Variants in GNAO1 observed in about 807,000 individuals in gnomAD.
GNAO1 encodes G protein subunit alpha o1.
For missense variants in GNAO1, 166 were observed against 478.7 expected (o/e 0.35, Z 6.10); for synonymous variants, 164 against 180.7 (o/e 0.91, Z 0.74).
At chr16:56,334,453 A>G (rs151111278) in intron 4 of GNAO1, among the ~76,000 whole-genome samples, 1 of 152,342 alleles carries the variant, frequency 6.6e-6, no homozygotes, top group East Asian at 1.9e-4. Context: ...TATAATAAAC[A>G]TGGTAGTCTC....
In GNAO1 at chr16:56,192,307, A is replaced by G; in HGVS notation, c.72A>G (p.Lys24=). 6.2e-7 allele frequency: 1 copy of G among 1,611,542 alleles called. No individual in the cohort carries two copies. Among genetic ancestry groups the G allele is most frequent in the Non-Finnish European group, 8.5e-7 (1 of 1,178,616 alleles). The change falls in exon 1 of 9, where the codon AAA becomes AAG. Residue 24 remains lysine (K), a synonymous_variant. Coordinates refer to ENST00000262493, the MANE Select transcript of GNAO1 (RefSeq NM_020988.3). Reference sequence around the variant, plus strand: ...GCAAGGCGATTGAGAAAAACCTCAAAGAGGATGGCATCAGCGCCGCCAAAG... The same window carrying G: ...GCAAGGCGATTGAGAAAAACCTCAAGGAGGATGGCATCAGCGCCGCCAAAG... ...ERSKAIEKNL[K]EDGISAAKDV...
At position 56,276,064 on chromosome 16, in the gene GNAO1, G is replaced by A; in HGVS notation, c.295G>A (p.Glu99Lys). Residue 99 changes from glutamate (E) to lysine (K), a missense_variant, in exon 3 of 9, where the codon GAG (glutamate) becomes AAG (lysine). Physicochemically the swap from Glu to Lys is moderately conservative, Grantham distance 56. Coordinates refer to ENST00000262493, the MANE Select transcript of GNAO1 (RefSeq NM_020988.3). Reference sequence around the variant, plus strand: ...TTTGGGCATCGAATATGGTGATAAGGAGAGAAAGGTAGGCCCCTGAGCCCA... The same window carrying A: ...TTTGGGCATCGAATATGGTGATAAGAAGAGAAAGGTAGGCCCCTGAGCCCA... ...DTLGIEYGDK[E>K]RKADAKMVCD... is the part of the protein sequence containing the mutation. 6.2e-7 allele frequency: 1 copy of A among 1,613,544 alleles called. No individual in the cohort carries two copies. The highest frequency in any genetic ancestry group is 8.5e-7 in the Non-Finnish European group (1 of 1,179,720).
chr16:56,349,612 G>C (rs1303718996), intron 6 of GNAO1, among the ~76,000 whole-genome samples: 5 of 152,238 alleles, frequency 3.3e-5, no homozygotes, highest in Middle Eastern at 3.2e-3. Flanking sequence ...TACTGATTGA[G>C]GATAGGAGAG....
At chr16:56,205,619 C>T (rs571661032) in intron 2 of GNAO1, among the ~76,000 whole-genome samples, 2 of 152,274 alleles carry the variant, frequency 1.3e-5, no homozygotes, top group South Asian at 4.1e-4. Context: ...AGAGTTTCGA[C>T]CACATGGCCC....
chr16:56,297,522 G>GGTGTGTGTGTGTGT (rs10545712), intron 3 of GNAO1, among the ~76,000 whole-genome samples: 18 of 134,406 alleles, frequency 1.3e-4, no homozygotes, highest in East Asian at 1.3e-3. Context: ...TTGTCTAACT[G>GGTGTGTGTGTGTGT]GTGTGTGTGT....
intron 2 of GNAO1, among the ~76,000 whole-genome samples, chr16:56,269,764 C>G (rs1472606945): frequency 6.6e-6 from 1 of 152,154 alleles, no homozygotes; most frequent in African/African-American, 2.4e-5. Context: ...TCCCAACAGC[C>G]TAGGGCCTCT....
At chr16:56,238,004 T>C (rs1159473779) in intron 2 of GNAO1, among the ~76,000 whole-genome samples, 2 of 152,206 alleles carry the variant, frequency 1.3e-5, no homozygotes, top group Non-Finnish European at 2.9e-5. Context: ...GCAGCATTAT[T>C]TCATACATTT....
intron 6 of GNAO1, among the ~76,000 whole-genome samples, chr16:56,340,045 G>T (rs567786941): frequency 1.4e-4 from 21 of 152,300 alleles, no homozygotes; most frequent in African/African-American, 5.1e-4. Context: ...CTGTGAGCCC[G>T]CACCGGGCTC....
intron 2 of GNAO1, among the ~76,000 whole-genome samples, chr16:56,224,614 G>A (rs1390202573): frequency 6.6e-6 from 1 of 152,212 alleles, no homozygotes; most frequent in African/African-American, 2.4e-5. Flanking sequence ...CCAAGTAGCT[G>A]TGACTACAGC....
At chr16:56,344,929 T>C in intron 6 of GNAO1, 1 of 985,178 alleles carries the variant, frequency 1.0e-6, no homozygotes, top group Non-Finnish European at 1.2e-6. Flanking sequence ...CCTCACCGTC[T>C]TGGTGAAGAA....
chr16:56,334,333 G>A (rs2037719943), intron 4 of GNAO1, among the ~76,000 whole-genome samples: 1 of 152,214 alleles, frequency 6.6e-6, no homozygotes, highest in Non-Finnish European at 1.5e-5. Flanking sequence ...CCCAGTTTTA[G>A]TACATTTAAC....
chr16:56,267,957 A>G (rs539937891), intron 2 of GNAO1, among the ~76,000 whole-genome samples: 1 of 151,960 alleles, frequency 6.6e-6, no homozygotes, highest in East Asian at 1.9e-4. Flanking sequence ...GAAGGTAAAA[A>G]CATCTTTCCA....
intron 6 of GNAO1, chr16:56,346,665 C>A: frequency 1.0e-6 from 1 of 985,440 alleles, no homozygotes. Context: ...TCCATGGGGA[C>A]CCTAGAGCTC....
intron 3 of GNAO1, among the ~76,000 whole-genome samples, chr16:56,314,610 G>A (rs2037490310): frequency 6.6e-6 from 1 of 152,202 alleles, no homozygotes; most frequent in African/African-American, 2.4e-5. Flanking sequence ...CATGCATGGT[G>A]GTAGGGAGTG....
rs2037462077 is a variant in GNAO1 at position 56,311,835 on chromosome 16, C to A, written c.304-16796C>A. Among the ~76,000 whole-genome samples, 1 of 152,192 alleles carries A rather than the reference C, an allele frequency of 6.6e-6. No homozygotes were observed. ...AGCTGCTGCATGGCCATGGGTGCCA[C>A]TCTGCCTCACCTGTGTTTTAGTTGA... On this transcript the variant is annotated intron_variant, in intron 3 of 8. Coordinates refer to ENST00000262493, the MANE Select transcript of GNAO1 (RefSeq NM_020988.3). This position sits in a 1 kb window ranked among gnomAD's most constrained non-coding sequence, Gnocchi z 5.2.
intron 3 of GNAO1, chr16:56,302,094 C>T (rs1279032498): frequency 2.0e-5 from 3 of 152,558 alleles, no homozygotes; most frequent in Non-Finnish European, 4.4e-5. Flanking sequence ...CTACAGCTCA[C>T]AATCTACTTC....
At chr16:56,195,456 G>A (rs1212358229) in intron 2 of GNAO1, among the ~76,000 whole-genome samples, 2 of 152,230 alleles carry the variant, frequency 1.3e-5, no homozygotes, top group African/African-American at 2.4e-5. Flanking sequence ...TTGCAGAGAT[G>A]GTTTTTGAGA....
At chr16:56,346,056 C>G (rs1432849312) in intron 6 of GNAO1, 1 of 985,490 alleles carries the variant, frequency 1.0e-6, no homozygotes, top group Non-Finnish European at 1.2e-6. Context: ...CTCAGCCCTT[C>G]CTGCCCTCCA....
intron 2 of GNAO1, among the ~76,000 whole-genome samples, chr16:56,227,978 T>G (rs1347890095): frequency 6.6e-6 from 1 of 152,178 alleles, no homozygotes; most frequent in Non-Finnish European, 1.5e-5. Flanking sequence ...AATGGCTGTG[T>G]CTGCCTGGCT....
Sources: gnomAD v4.1 joint callset for allele counts (sites outside exome capture counted in the v4.1 genomes callset) on GRCh38, gnomAD v4.1.1 for gene constraint, Gnocchi (gnomAD v3.1) non-coding constraint, MANE v1.5 for transcripts, NCBI Gene and HGNC (gene_info 2026-07-23, HGNC 2026-07-21) for gene names.